Variants in LRWD1 observed in about 807,000 individuals in gnomAD.
LRWD1 encodes the protein leucine rich repeats and WD repeat domain containing 1.
LRWD1 carries 76 observed loss-of-function variants against 75.6 expected under a neutral mutation model. The ratio of observed to expected loss-of-function variants is 1.01; its 90% CI spans 0.84 to 1.22. The LOEUF is 1.22. Among genes scored for constraint, LRWD1 ranks in the 50% most tolerant of loss-of-function variants. LRWD1 has a pLI of 0.00. For synonymous variants in LRWD1, 487 were observed against 377.0 expected, an observed-to-expected ratio of 1.29 and a Z score of -3.38; for missense variants, 917 against 862.0, an observed-to-expected ratio of 1.06 and a Z score of -0.80.
In LRWD1 at chr7:102,465,111, C is replaced by T; in HGVS notation, c.31C>T (p.Gln11Ter). Residue 11 changes from glutamine to a stop codon, truncating the protein, a stop_gained, in exon 1 of 15, where the codon CAG (glutamine) becomes TAG (stop). Coordinates refer to ENST00000292616, the MANE Select transcript of LRWD1 (RefSeq NM_152892.3). LOFTEE classifies it high-confidence loss of function. MGPLSARLLM[Q>*]RGRPKSDRLG... ...CCCCCTCTCGGCGCGGCTGCTAATG[C>T]AGCGCGGGCGCCCCAAGAGCGACCG... is the stretch of plus-strand genomic sequence containing the variant. 6.6e-7 allele frequency: 1 copy of T among 1,512,268 alleles called. No individual in the cohort carries two copies. The highest frequency in any genetic ancestry group is 8.8e-7 in the Non-Finnish European group (1 of 1,134,320). 93.7% of individuals were successfully genotyped at this position (1,512,268 alleles called of 1,614,324 possible).
rs1563659434 is a variant in LRWD1 at position 102,472,793 on chromosome 7, G to A, written c.1792G>A (p.Ala598Thr). 6 of 1,613,234 alleles carry A rather than the reference G, an allele frequency of 3.7e-6. No homozygotes were observed. Among genetic ancestry groups the A allele is most frequent in the African/African-American group, 1.3e-5 (1 of 74,926 alleles). Residue 598 changes from alanine to threonine, a missense_variant, in exon 14 of 15, where the codon GCC becomes ACC. Physicochemically the swap from Ala to Thr is moderately conservative, Grantham distance 58. Transcript: ENST00000292616. ...QPPLLPAALQ[A>T]PTQILKWPQP... is the part of the protein sequence containing the mutation. The stretch of plus-strand genomic sequence containing the variant: ...ACCCCTGCTGCCGGCAGCCCTGCAG[G>A]CCCCCACACAGGTACTGCCCGGCTC...
rs1797964057 is a variant in LRWD1, at chr7:102,466,033, G to C, written c.297G>C (p.Glu99Asp). ...QFPKLEELSL[E>D]GNPFLTVNDN... ...CCAAGCTCGAGGAACTCAGCCTGGAGGGCAACCCCTTCCTGACGGTAAGTG... is the reference window on the plus strand; with the variant it reads ...CCAAGCTCGAGGAACTCAGCCTGGACGGCAACCCCTTCCTGACGGTAAGTG... The change falls in exon 2 of 15, where the codon GAG becomes GAC. Residue 99 changes from glutamate (E) to aspartate (D), a missense_variant. By Grantham distance (45) the Glu-to-Asp change is conservative. Coordinates refer to ENST00000292616, the MANE Select transcript of LRWD1 (RefSeq NM_152892.3). The C allele has an allele frequency of 3.7e-6, 6 of 1,614,056 alleles. No homozygotes were observed. The highest frequency in any genetic ancestry group is 2.2e-5 in the East Asian group (1 of 44,870).
chr7:102,468,435 G>T (rs1239214795), intron 7 of LRWD1, 58 bp downstream of exon 7: 6 of 1,546,436 alleles, frequency 3.9e-6, no homozygotes, highest in East Asian at 2.4e-5. Context: ...GCCTGGATGG[G>T]TGGGGGATCA....
chr7:102,469,718 CTG>C (rs775386258), intron 10 of LRWD1, 22 bp from the exon 11 acceptor site: 2 of 1,611,938 alleles, frequency 1.2e-6, no homozygotes, highest in Non-Finnish European at 1.7e-6. Flanking sequence ...GTCTGATGCT[CTG>C]TTCCCCCTTG....
rs756887888 is a variant in LRWD1 at position 102,468,618 on chromosome 7, G to A, written c.984G>A (p.Thr328=). 3.3e-5 allele frequency: 52 copies of A among 1,576,394 alleles called. No homozygotes were observed. Among genetic ancestry groups the A allele is most frequent in the East Asian group, 1.2e-4 (5 of 42,512 alleles). ...GEAVCVIDCQ[T]GIVLHKYKAP... ...CTGTGTGCGTAATTGATTGCCAGAC[G>A]GGCATCGTGCTCCACAAGTACAAGG... The change falls in exon 8 of 15, where the codon ACG becomes ACA. Residue 328 remains threonine (T), a synonymous_variant. Coordinates refer to ENST00000292616, the MANE Select transcript of LRWD1 (RefSeq NM_152892.3).
chr7:102,468,511 G>C lies in LRWD1; in HGVS notation c.920-43G>C, dbSNP rs1403867039. ...GAGGCTGCAGGGAGGACCTAGATGGGAAATGTCTCTGCTCATCCGACCTCT... is the reference window on the plus strand; with the variant it reads ...GAGGCTGCAGGGAGGACCTAGATGGCAAATGTCTCTGCTCATCCGACCTCT... On this transcript the variant is annotated intron_variant, in intron 7 of 14. Transcript: ENST00000292616. 5 of 1,551,354 alleles carry C rather than the reference G, an allele frequency of 3.2e-6. No homozygotes were observed. In the East Asian group the frequency reaches 1.2e-4, roughly 38 times the overall value.
At chr7:102,469,537 T>G in intron 9 of LRWD1, 37 bp from the exon 10 acceptor site, 1 of 1,611,632 alleles carries the variant, frequency 6.2e-7, no homozygotes, top group Non-Finnish European at 8.5e-7. Flanking sequence ...CAGGGTCATC[T>G]CAGGGCCACT....
At chr7:102,466,803 CAG>C (rs1230327571) in intron 3 of LRWD1, among the ~76,000 whole-genome samples, 2 of 108,826 alleles carry the variant, frequency 1.8e-5, no homozygotes, top group African/African-American at 3.7e-5. Flanking sequence ...TTTTTAGAGA[CAG>C]GGTCTCGCTC....
chr7:102,468,840 C>T lies in LRWD1; in HGVS notation c.1021-15C>T. The T allele has an allele frequency of 6.2e-7, 1 of 1,607,696 alleles. No homozygotes were observed. Among genetic ancestry groups the T allele is most frequent in the East Asian group, 2.2e-5 (1 of 44,810 alleles). On this transcript the variant is annotated splice_polypyrimidine_tract_variant and intron_variant, in intron 8 of 14. Coordinates refer to ENST00000292616, the MANE Select transcript of LRWD1 (RefSeq NM_152892.3). ...AGCTCTGCCCCAGTGACTGTTTACTCTAACCCCCGCCCAGGAGTTCTTTTC... is the reference window on the plus strand; with the variant it reads ...AGCTCTGCCCCAGTGACTGTTTACTTTAACCCCCGCCCAGGAGTTCTTTTC...
chr7:102,467,795 C>A lies in LRWD1; in HGVS notation c.650C>A (p.Pro217Gln), dbSNP rs1266524918. The change falls in exon 5 of 15, where the codon CCA becomes CAA. Residue 217 changes from proline (P) to glutamine (Q), a missense_variant. By Grantham distance (76) the Pro-to-Gln change is moderately conservative. Transcript: ENST00000292616. Reference protein sequence around the residue: ...VQKANSPEKPPEAGAAHKPRA... With the variant: ...VQKANSPEKPQEAGAAHKPRA... ...AAGGCTAACAGCCCAGAGAAGCCCC[C>A]AGAAGCTGGAGCTGCCCACAAGCCC... 8.4e-6 allele frequency: 13 copies of A among 1,550,962 alleles called. No homozygotes were observed. Among genetic ancestry groups the A allele is most frequent in the Non-Finnish European group, 1.1e-5 (13 of 1,147,182 alleles).
chr7:102,467,232 T>G, intron 3 of LRWD1, 107 bp from the exon 4 acceptor site: 1 of 1,118,304 alleles, frequency 8.9e-7, no homozygotes, highest in South Asian at 1.4e-5. Flanking sequence ...AGGCTGTGAT[T>G]CCAGGAGGCT....
chr7:102,472,265 G>A lies in LRWD1; in HGVS notation c.1490G>A (p.Gly497Glu). 1 of 1,595,234 alleles carries A rather than the reference G, an allele frequency of 6.3e-7. No homozygotes were observed. Among genetic ancestry groups the A allele is most frequent in the Non-Finnish European group, 8.6e-7 (1 of 1,169,312 alleles). ...TTCTCTGAGGGCTCCGAGGCATCTG[G>A]ACGGAGAGTGGATGGGCTGGCATTT... is the stretch of plus-strand genomic sequence containing the variant. ...FVFSEGSEAS[G>E]RRVDGLAFVN... The change falls in exon 12 of 15, where the codon GGA becomes GAA. Residue 497 changes from glycine (G) to glutamate (E), a missense_variant. Coordinates refer to ENST00000292616, the MANE Select transcript of LRWD1 (RefSeq NM_152892.3).
Position 102,469,596 on chromosome 7 carries a change from C to A in LRWD1, c.1251C>A (p.Ile417=). Residue 417 remains isoleucine (I), a synonymous_variant, in exon 10 of 15, where the codon ATC becomes ATA. Coordinates refer to ENST00000292616, the MANE Select transcript of LRWD1 (RefSeq NM_152892.3). ...HLFTASYDKR[I]ILWDIGVPNQ... ...CAGCGGCCTCCTATGACAAGCGGAT[C>A]ATCCTCTGGGACATCGGGGTGCCCA... 1 of 1,614,190 alleles carries A rather than the reference C, an allele frequency of 6.2e-7. No individual in the cohort carries two copies. Among genetic ancestry groups the A allele is most frequent in the Non-Finnish European group, 8.5e-7 (1 of 1,180,000 alleles).
chr7:102,468,584 G>T lies in LRWD1; in HGVS notation c.950G>T (p.Gly317Val). The T allele has an allele frequency of 6.3e-7, 1 of 1,577,800 alleles. No homozygotes were observed. Among genetic ancestry groups the T allele is most frequent in the Non-Finnish European group, 8.6e-7 (1 of 1,161,654 alleles). Residue 317 changes from glycine (G) to valine (V), a missense_variant, in exon 8 of 15, where the codon GGC becomes GTC. By Grantham distance (109) the Gly-to-Val change is moderately radical. Coordinates refer to ENST00000292616, the MANE Select transcript of LRWD1 (RefSeq NM_152892.3). ...GATSQTVATC[G>V]GEAVCVIDCQ... ...ACATCCCAGACCGTGGCCACGTGCG[G>T]CGGGGAGGCTGTGTGCGTAATTGAT...
intron 11 of LRWD1, chr7:102,471,328 A>T: frequency 6.5e-6 from 1 of 154,230 alleles, no homozygotes; most frequent in Non-Finnish European, 1.5e-5. Flanking sequence ...CAGCCTCCCA[A>T]AGTGCTGGGA....
At chr7:102,470,762 C>T (rs543799738) in intron 11 of LRWD1, 107 of 152,170 alleles carry the variant, frequency 7.0e-4, no homozygotes, top group Non-Finnish European at 1.3e-3. Flanking sequence ...CTTTGCATTT[C>T]TATTTATTTA....
At position 102,469,004 on chromosome 7, in the gene LRWD1, C is replaced by T. The variant is rs1262591092; in HGVS notation, c.1170C>T (p.Ala390=). The T allele has an allele frequency of 3.7e-6, 6 of 1,612,786 alleles. No homozygotes were observed. The highest frequency in any genetic ancestry group is 1.7e-5 in the Admixed American group (1 of 59,944). Residue 390 remains alanine (A), a synonymous_variant, in exon 9 of 15, where the codon GCC becomes GCT. Coordinates refer to ENST00000292616, the MANE Select transcript of LRWD1 (RefSeq NM_152892.3). ...RAGFCCGVIR[A]HKKAIATLCF... ...GCTTCTGCTGCGGGGTCATCCGAGC[C>T]CACAAGAAGGCCATCGCCACCCTGT...
At chr7:102,471,736 T>C (rs1798193614) in intron 11 of LRWD1, 1 of 185,770 alleles carries the variant, frequency 5.4e-6, no homozygotes, top group South Asian at 1.0e-4. Flanking sequence ...AGCCATTCCC[T>C]CATTCCCCCA....
chr7:102,472,871 C>T (rs1476044057), intron 14 of LRWD1, 38 bp from the exon 15 acceptor site: 7 of 1,611,664 alleles, frequency 4.3e-6, no homozygotes, highest in East Asian at 2.2e-5. Flanking sequence ...CTTTGGTCAG[C>T]AGGAGCCCAG....
Sources: allele counts gnomAD v4.1 joint callset (sites outside exome capture counted in the v4.1 genomes callset), GRCh38; gene constraint gnomAD v4.1.1; transcripts MANE v1.5; gene names NCBI Gene and HGNC (gene_info 2026-07-23, HGNC 2026-07-21).